The following ARMH3 variants were observed in gnomAD, a reference collection of about 807,000 sequenced individuals.
The protein encoded by ARMH3 is armadillo like helical domain containing 3, also known as armadillo-like helical domain-containing protein 3.
Under a neutral mutation model 99.1 loss-of-function variants are expected in ARMH3, and 60 were observed. That is an observed-to-expected ratio of 0.61 (90% CI 0.49 to 0.75). ARMH3 has a LOEUF of 0.75. Among genes scored for constraint, ARMH3 ranks in the 30% least tolerant of loss-of-function variants. The probability of loss-of-function intolerance (pLI) is 0.00; values close to 1 mark genes in which losing one functional copy is unlikely to be tolerated. For missense variants in ARMH3, 679 were observed against 843.1 expected, an observed-to-expected ratio of 0.81 and a Z score of 2.41; for synonymous variants, 285 against 292.8, an observed-to-expected ratio of 0.97 and a Z score of 0.27.
At chr10:102,033,400 C>T (rs1489282925) in intron 2 of ARMH3, 61 bp from the exon 3 acceptor site, 10 of 1,506,744 alleles carry the variant, frequency 6.6e-6, no homozygotes, top group Admixed American at 2.1e-5. Context: ...ATTAAGAATA[C>T]TATACATAGT....
chr10:102,050,254 A>G (rs532625027), intron 1 of ARMH3, among the ~76,000 whole-genome samples: 15 of 152,004 alleles, frequency 9.9e-5, no homozygotes, highest in Non-Finnish European at 2.2e-4. Flanking sequence ...CATCCTGGCT[A>G]ACACGGTGAA....
chr10:101,977,837 G>A (rs999517430), intron 19 of ARMH3, among the ~76,000 whole-genome samples: 3 of 152,208 alleles, frequency 2.0e-5, no homozygotes, highest in Non-Finnish European at 2.9e-5. Flanking sequence ...TCTACAGAGT[G>A]TCCCCATCAG....
intron 24 of ARMH3, among the ~76,000 whole-genome samples, chr10:101,876,247 C>CAAAAAAAA (rs34928343): frequency 2.4e-5 from 2 of 83,498 alleles, no homozygotes; most frequent in African/African-American, 5.1e-5. Context: ...GGCTCCATCT[C>CAAAAAAAA]AAAAAAAAAA....
At chr10:101,974,971 G>A (rs1278735319) in intron 20 of ARMH3, among the ~76,000 whole-genome samples, 1 of 143,188 alleles carries the variant, frequency 7.0e-6, no homozygotes, top group Admixed American at 7.4e-5. Flanking sequence ...AAAAATATAG[G>A]AAGGGGAAGG....
At chr10:101,900,183 T>G (rs558202455) in intron 23 of ARMH3, among the ~76,000 whole-genome samples, 1 of 152,334 alleles carries the variant, frequency 6.6e-6, no homozygotes, top group Admixed American at 6.5e-5. Context: ...CCTTACTCTG[T>G]TCTCTAGTGG....
chr10:101,985,913 G>A (rs1465744914), intron 19 of ARMH3, among the ~76,000 whole-genome samples: 5 of 151,894 alleles, frequency 3.3e-5, no homozygotes, highest in Non-Finnish European at 7.4e-5. Flanking sequence ...AGCTACTCAG[G>A]AAGCTGAGAC....
chr10:101,858,988 T>C (rs998696799), intron 24 of ARMH3, among the ~76,000 whole-genome samples: 3 of 152,238 alleles, frequency 2.0e-5, no homozygotes, highest in Admixed American at 2.0e-4. Context: ...CTGATGTACC[T>C]TCTGCACTGT....
chr10:101,992,160 C>A, intron 17 of ARMH3, 122 bp from the exon 18 acceptor site: 1 of 840,660 alleles, frequency 1.2e-6, no homozygotes. Context: ...TTTTCTTTCT[C>A]TTTTTCACAT....
rs547015718 is a variant in ARMH3, at chr10:102,055,528, C to T, written c.-12+557G>A. 7.2e-5 allele frequency among the ~76,000 whole-genome samples: 11 copies of T among 152,228 alleles called. No individual in the cohort carries two copies. In the East Asian group the frequency reaches 1.7e-3, roughly 24 times the overall value. The stretch of plus-strand genomic sequence containing the variant: ...CCTGGGAACAGGTTCCTTTCCTGGG[C>T]TCTCGCCGAGTAACCCAAAGAAAAC... On this transcript the variant is annotated intron_variant, in intron 1 of 25. Transcript: ENST00000370033.
intron 23 of ARMH3, among the ~76,000 whole-genome samples, chr10:101,899,324 G>A (rs1215532905): frequency 2.0e-5 from 3 of 152,080 alleles, no homozygotes; most frequent in African/African-American, 4.8e-5. Context: ...CATCATATTC[G>A]TAATTGCTTT....
chr10:101,897,210 A>G lies in ARMH3; in HGVS notation c.1782-7720T>C, dbSNP rs530201632. ...TACCCACAGACAGAACTTAGTGGGAAAAGAGAATGTAATTTCTAACCAAAC... is the reference window on the plus strand; with the variant it reads ...TACCCACAGACAGAACTTAGTGGGAGAAGAGAATGTAATTTCTAACCAAAC... On this transcript the variant is annotated intron_variant, in intron 23 of 25. Transcript: ENST00000370033. 6.8e-4 allele frequency among the ~76,000 whole-genome samples: 103 copies of G among 152,306 alleles called. 1 individual carries two copies. The highest frequency in any genetic ancestry group is 1.9e-4 in the Non-Finnish European group (13 of 68,024).
chr10:102,033,001 C>G (rs571534995), intron 4 of ARMH3, 25 bp downstream of exon 4: 4 of 1,611,112 alleles, frequency 2.5e-6, no homozygotes, highest in Non-Finnish European at 3.4e-6. Flanking sequence ...TTAAACAAGA[C>G]TTCCCCAGTC....
At chr10:101,857,039 G>C (rs1461135280) in intron 24 of ARMH3, among the ~76,000 whole-genome samples, 2 of 151,756 alleles carry the variant, frequency 1.3e-5, no homozygotes, top group Non-Finnish European at 2.9e-5. Flanking sequence ...CCACAAAGTA[G>C]GTATACAGAA....
At chr10:101,980,271 G>A (rs967324040) in intron 19 of ARMH3, among the ~76,000 whole-genome samples, 4 of 152,076 alleles carry the variant, frequency 2.6e-5, no homozygotes, top group South Asian at 2.1e-4. Context: ...AAATGAAACC[G>A]GCTCCTCCTT....
At chr10:101,926,560 T>C (rs1008657845) in intron 23 of ARMH3, among the ~76,000 whole-genome samples, 4 of 152,142 alleles carry the variant, frequency 2.6e-5, no homozygotes, top group Non-Finnish European at 5.9e-5. Context: ...AGGGATAAGA[T>C]GAAAAACTGC....
intron 24 of ARMH3, among the ~76,000 whole-genome samples, chr10:101,870,868 A>T (rs762214996): frequency 4.6e-5 from 7 of 152,144 alleles, no homozygotes; most frequent in Non-Finnish European, 8.8e-5. Flanking sequence ...GAGCCCGACG[A>T]GGTTGACGCT....
intron 23 of ARMH3, among the ~76,000 whole-genome samples, chr10:101,900,253 T>A (rs2067942597): frequency 6.6e-6 from 1 of 152,204 alleles, no homozygotes; most frequent in Non-Finnish European, 1.5e-5. Flanking sequence ...CTAATAATCT[T>A]TGGAATTGGT....
intron 23 of ARMH3, among the ~76,000 whole-genome samples, chr10:101,902,732 T>C (rs183612995): frequency 4.7e-4 from 72 of 152,194 alleles, no homozygotes; most frequent in African/African-American, 1.7e-3. Flanking sequence ...ACTAGATGAC[T>C]GCTACTCAGA....
chr10:102,026,115 C>T (rs967537437), intron 5 of ARMH3, among the ~76,000 whole-genome samples: 2 of 152,070 alleles, frequency 1.3e-5, no homozygotes, highest in African/African-American at 2.4e-5. Flanking sequence ...TATCACTGCA[C>T]TAAAAGCCAG....
Sources: gnomAD v4.1 joint callset for allele counts (sites outside exome capture counted in the v4.1 genomes callset) on GRCh38, gnomAD v4.1.1 for gene constraint, MANE v1.5 for transcripts, NCBI Gene and HGNC (gene_info 2026-07-23, HGNC 2026-07-21) for gene names.